AP3S2: variants seen among roughly 807,000 people sequenced by gnomAD.
AP3S2 encodes the protein adaptor related protein complex 3 subunit sigma 2.
AP3S2 carries 22 observed loss-of-function variants against 23.4 expected under a neutral mutation model. The observed-to-expected ratio is 0.94, with a 90% CI of 0.67 to 1.34. The LOEUF (loss-of-function observed/expected upper bound fraction) is 1.34, where lower values mean the gene tolerates loss of function less well. Among genes scored for constraint, AP3S2 ranks in the 40% most tolerant of loss-of-function variants. The pLI, the probability that AP3S2 is intolerant of heterozygous loss-of-function variation, is 0.00. For synonymous variants in AP3S2, 86 were observed against 87.1 expected, an observed-to-expected ratio of 0.99 and a Z score of 0.07; for missense variants, 241 against 236.9, an observed-to-expected ratio of 1.02 and a Z score of -0.11.
chr15:89,861,617 A>C (rs1375601131), intron 4 of AP3S2, among the ~76,000 whole-genome samples: 1 of 152,118 alleles, frequency 6.6e-6, no homozygotes, highest in African/African-American at 2.4e-5. Flanking sequence ...GAGACTATGA[A>C]ATCAGACCTT....
At chr15:89,872,156 GAAT>G (rs1896335675) in intron 3 of AP3S2, among the ~76,000 whole-genome samples, 1 of 149,636 alleles carries the variant, frequency 6.7e-6, no homozygotes, top group Non-Finnish European at 1.5e-5. Flanking sequence ...TTACATAAAA[GAAT>G]AACAAATTAA....
Position 89,833,371 on chromosome 15 carries a change from G to A in AP3S2, c.*2144C>T, listed in dbSNP as rs1895121096. On this transcript the variant is annotated 3_prime_UTR_variant, in exon 6 of 6. Transcript: ENST00000336418. The stretch of plus-strand genomic sequence containing the variant: ...AAAGAAGATGATAACATTGGGAGAA[G>A]CCATCTTAAGCAGCGAGGAAAGAAA... 2 of 152,172 alleles carry A rather than the reference G, an allele frequency of 1.3e-5. No homozygotes were observed. Among genetic ancestry groups the A allele is most frequent in the African/African-American group, 4.8e-5 (2 of 41,448 alleles). The allele number at this position is 152,172 out of a possible 1,614,324, so 9.4% of individuals were successfully genotyped here. A position where few individuals can be genotyped will look rare whatever the true frequency, so the allele number is the denominator to read the frequency against.
At chr15:89,881,417 G>A (rs1040331673) in intron 3 of AP3S2, among the ~76,000 whole-genome samples, 9 of 152,182 alleles carry the variant, frequency 5.9e-5, no homozygotes, top group Admixed American at 2.6e-4. Context: ...CTCAAAATAC[G>A]CAGATTTACT....
At chr15:89,882,061 A>G (rs1004407577) in intron 3 of AP3S2, among the ~76,000 whole-genome samples, 3 of 152,026 alleles carry the variant, frequency 2.0e-5, no homozygotes, top group African/African-American at 4.8e-5. Flanking sequence ...ACCTCAGGTG[A>G]TCCGCCCGCC....
intron 4 of AP3S2, among the ~76,000 whole-genome samples, chr15:89,841,087 T>C (rs750521767): frequency 3.9e-5 from 6 of 152,216 alleles, no homozygotes; most frequent in Non-Finnish European, 5.9e-5. Flanking sequence ...ACTTCGAAGA[T>C]AGACAACAGT....
Position 89,835,361 on chromosome 15 carries a change from C to G in AP3S2, c.*154G>C. On this transcript the variant is annotated 3_prime_UTR_variant, in exon 6 of 6. Transcript: ENST00000336418. ...AGCAGTGTCAATAGGAATCCCTTCC[C>G]TATTCCATGCCAAACAGTCTTCCCC... The G allele has an allele frequency of 7.5e-7, 1 of 1,337,092 alleles. No individual in the cohort carries two copies. Among genetic ancestry groups the G allele is most frequent in the South Asian group, 1.4e-5 (1 of 69,606 alleles). 82.8% of individuals were successfully genotyped at this position (1,337,092 alleles called of 1,614,324 possible).
intron 1 of AP3S2, among the ~76,000 whole-genome samples, chr15:89,890,313 G>C (rs1046279204): frequency 6.6e-6 from 1 of 152,196 alleles, no homozygotes. Context: ...GCCTCCCAAA[G>C]TGCTGGGATT....
Position 89,856,905 on chromosome 15 carries a change from AAAAG to A in AP3S2, c.345+14566_345+14569del, listed in dbSNP as rs901866626. 5.3e-5 allele frequency among the ~76,000 whole-genome samples: 8 copies of A among 151,738 alleles called. No homozygotes were observed. In the South Asian group the frequency reaches 6.2e-4, roughly 12 times the overall value. On this transcript the variant is annotated intron_variant, in intron 4 of 5. Transcript: ENST00000336418. ...AAAAAAAAGAAAAGAAAAGAAAAGAAAAAGAAACCCACAAAATTGGGACACATAT... is the reference window on the plus strand; with the variant it reads ...AAAAAAAAGAAAAGAAAAGAAAAGAAAAACCCACAAAATTGGGACACATAT...
At chr15:89,850,013 T>C (rs2141849454) in intron 4 of AP3S2, among the ~76,000 whole-genome samples, 1 of 151,042 alleles carries the variant, frequency 6.6e-6, no homozygotes, top group Non-Finnish European at 1.5e-5. Flanking sequence ...GAACTCATCC[T>C]TTTTTTATGG....
intron 4 of AP3S2, among the ~76,000 whole-genome samples, chr15:89,858,567 C>A (rs939987178): frequency 1.4e-5 from 2 of 146,028 alleles, no homozygotes; most frequent in South Asian, 4.5e-4. Flanking sequence ...GAAAGAGAAA[C>A]TCTACTTCTT....
At chr15:89,840,265 A>T (rs1160887298) in intron 4 of AP3S2, among the ~76,000 whole-genome samples, 2 of 152,210 alleles carry the variant, frequency 1.3e-5, no homozygotes, top group Non-Finnish European at 2.9e-5. Flanking sequence ...ATAGTCCTCT[A>T]TACCTGCACT....
chr15:89,835,565 T>G lies in AP3S2; in HGVS notation c.532A>C (p.Asn178His). The change falls in exon 6 of 6, where the codon AAC becomes CAC. Residue 178 changes from asparagine (N) to histidine (H), a missense_variant. By Grantham distance (68) the Asn-to-His change is moderately conservative. Coordinates refer to ENST00000336418, the MANE Select transcript of AP3S2 (RefSeq NM_005829.5). ...INLPEIPRNI[N>H]IGDLNIKVPN... ...ACTTTGATGTTGAGATCGCCAATGTTGATGTTCCGAGGAATCTCTGGCAGG... is the reference window on the plus strand; with the variant it reads ...ACTTTGATGTTGAGATCGCCAATGTGGATGTTCCGAGGAATCTCTGGCAGG... The G allele has an allele frequency of 5.0e-6, 8 of 1,614,050 alleles. No individual in the cohort carries two copies. The highest frequency in any genetic ancestry group is 6.8e-6 in the Non-Finnish European group (8 of 1,180,026).
In AP3S2 at chr15:89,866,959, C is replaced by T. The variant is rs1305422071; in HGVS notation, c.345+4516G>A. Reference sequence around the variant, plus strand: ...CACCTCTCCATGGGCTCTTCTCTTGCTTTGAAAACTCCCCCTTTTCCCCTC... The same window carrying T: ...CACCTCTCCATGGGCTCTTCTCTTGTTTTGAAAACTCCCCCTTTTCCCCTC... On this transcript the variant is annotated intron_variant, in intron 4 of 5. Transcript: ENST00000336418. Among the ~76,000 whole-genome samples the T allele has an allele frequency of 2.6e-5, 4 of 151,346 alleles. No homozygotes were observed. In the East Asian group the frequency reaches 7.9e-4, roughly 30 times the overall value.
In AP3S2 at chr15:89,837,715, T is replaced by C. The variant is rs1444079382; in HGVS notation, c.353A>G (p.Tyr118Cys). The stretch of plus-strand genomic sequence containing the variant: ...ACCCATCACCACCTCCTGGAGGATG[T>C]AGTGCACCTAAAAGGGAAGCAAAAA... ...DLIFHMDKVH[Y>C]ILQEVVMGGM... The change falls in exon 5 of 6, where the codon TAC becomes TGC. Residue 118 changes from tyrosine (Y) to cysteine (C), a missense_variant. Physicochemically the swap from Tyr to Cys is radical, Grantham distance 194. Transcript: ENST00000336418. 2 of 1,613,926 alleles carry C rather than the reference T, an allele frequency of 1.2e-6. No homozygotes were observed. The highest frequency in any genetic ancestry group is 1.1e-5 in the South Asian group (1 of 91,084).
chr15:89,853,463 G>C (rs1331667147), intron 4 of AP3S2, among the ~76,000 whole-genome samples: 1 of 152,162 alleles, frequency 6.6e-6, no homozygotes, highest in Non-Finnish European at 1.5e-5. Flanking sequence ...GAAAAATCTT[G>C]ATTTGAGATG....
chr15:89,854,436 GT>G (rs1283564231), intron 4 of AP3S2, among the ~76,000 whole-genome samples: 7 of 52,050 alleles, frequency 1.3e-4, no homozygotes, highest in South Asian at 9.1e-4. Flanking sequence ...CGTCCGGGAG[GT>G]GAGGGGCGCC....
intron 4 of AP3S2, among the ~76,000 whole-genome samples, chr15:89,859,069 G>T (rs1367306608): frequency 6.6e-6 from 1 of 150,968 alleles, no homozygotes; most frequent in African/African-American, 2.4e-5. Context: ...TATTGCTCAG[G>T]CTGTTCTCAA....
intron 3 of AP3S2, among the ~76,000 whole-genome samples, chr15:89,885,740 G>A (rs919337881): frequency 4.0e-5 from 6 of 151,572 alleles, no homozygotes; most frequent in Non-Finnish European, 7.4e-5. Context: ...TGAGATGTTC[G>A]AGACCAGCCT....
At chr15:89,875,165 A>T (rs1342130369) in intron 3 of AP3S2, among the ~76,000 whole-genome samples, 2 of 152,216 alleles carry the variant, frequency 1.3e-5, no homozygotes, top group Admixed American at 6.5e-5. Context: ...GGTGCCCCCT[A>T]GCGGCCTGAG....
Sources: gnomAD v4.1 joint callset for allele counts (sites outside exome capture counted in the v4.1 genomes callset) on GRCh38, gnomAD v4.1.1 for gene constraint, MANE v1.5 for transcripts, NCBI Gene and HGNC (gene_info 2026-07-23, HGNC 2026-07-21) for gene names.